PHACTR2: variants seen among roughly 807,000 people sequenced by gnomAD.
PHACTR2 encodes the protein chromosome 6 open reading frame 56.
A neutral mutation model predicts 76.0 loss-of-function variants in PHACTR2; 30 were observed. That is an observed-to-expected ratio of 0.39 (90% confidence interval 0.30 to 0.54). The LOEUF is 0.54. Ranked by LOEUF, PHACTR2 falls within the 20% of genes least tolerant of loss-of-function variation. The probability of loss-of-function intolerance (pLI) is 0.61; values close to 1 mark genes in which losing one functional copy is unlikely to be tolerated. For synonymous variants in PHACTR2, 292 were observed against 292.5 expected (o/e 1.00, Z 0.02); for missense variants, 696 against 781.1 (o/e 0.89, Z 1.30).
At chr6:143,758,991 G>A (rs114236631) in intron 4 of PHACTR2, among the ~76,000 whole-genome samples, 1,665 of 152,220 alleles carry the variant, frequency 0.011, 29 homozygotes, top group African/African-American at 0.038. Context: ...TGGGAGCCTT[G>A]GTTAAGGCTC....
intron 1 of PHACTR2, among the ~76,000 whole-genome samples, chr6:143,579,425 A>G (rs1212447632): frequency 6.6e-6 from 1 of 152,148 alleles, no homozygotes; most frequent in East Asian, 1.9e-4. Flanking sequence ...AAAACAAAAC[A>G]ACAACAACAA....
rs1465733923 is a variant in PHACTR2, at chr6:143,689,247, T to G, written c.46+11038T>G. ...GCCTTCACTGCACTTAGCACTCAGATGATCTTGTTTGTTTGTTTTATTCAT... is the reference window on the plus strand; with the variant it reads ...GCCTTCACTGCACTTAGCACTCAGAGGATCTTGTTTGTTTGTTTTATTCAT... On this transcript the variant is annotated intron_variant, in intron 1 of 12. Transcript: ENST00000440869. This position sits in a 1 kb window ranked among gnomAD's most constrained non-coding sequence, Gnocchi z 4.4. 6.6e-6 allele frequency among the ~76,000 whole-genome samples: 1 copy of G among 152,192 alleles called. No individual in the cohort carries two copies. The highest frequency in any genetic ancestry group is 1.9e-4 in the East Asian group (1 of 5,184).
At position 143,658,767 on chromosome 6, in the gene PHACTR2, G is replaced by A. The variant is rs534761917; in HGVS notation, c.13+50445G>A. Among the ~76,000 whole-genome samples, 44 of 152,312 alleles carry A rather than the reference G, an allele frequency of 2.9e-4. No individual in the cohort carries two copies. The highest frequency in any genetic ancestry group is 6.5e-4 in the African/African-American group (27 of 41,576). Reference sequence around the variant, plus strand: ...GGGGTTGGGCACAGTGACTCTGCCTGTAATCTCAGCACTTCGGGAGGCCAA... The same window carrying A: ...GGGGTTGGGCACAGTGACTCTGCCTATAATCTCAGCACTTCGGGAGGCCAA... On this transcript the variant is annotated intron_variant, in intron 1 of 11. Transcript: ENST00000305766. This position sits in a 1 kb window ranked among gnomAD's most constrained non-coding sequence, Gnocchi z 4.1.
Position 143,557,553 on chromosome 6 carries a change from C to G in PHACTR2, c.217+20346C>G, listed in dbSNP as rs909883995. ...TACCTTCCTGCTAAGATGGCTCACC[C>G]TCACCACACAGGGTCTCGATTTTTC... On this transcript the variant is annotated intron_variant, in intron 1 of 11. Transcript: ENST00000367584. This position sits in a 1 kb window ranked among gnomAD's most constrained non-coding sequence, Gnocchi z 5.5. 2.0e-5 allele frequency: 3 copies of G among 152,202 alleles called. No homozygotes were observed. The highest frequency in any genetic ancestry group is 4.4e-5 in the Non-Finnish European group (3 of 68,072). The allele number at this position is 152,202 out of a possible 1,614,324, so 9.4% of individuals were successfully genotyped here. A position where few individuals can be genotyped will look rare whatever the true frequency, so the allele number is the denominator to read the frequency against.
chr6:143,805,110 T>G (rs1419426745), intron 11 of PHACTR2, among the ~76,000 whole-genome samples: 2 of 152,190 alleles, frequency 1.3e-5, no homozygotes, highest in Non-Finnish European at 2.9e-5. Flanking sequence ...TCACTTCCTC[T>G]GCTGAAACCT....
intron 1 of PHACTR2, among the ~76,000 whole-genome samples, chr6:143,540,689 G>A (rs1308605020): frequency 1.4e-5 from 2 of 147,190 alleles, no homozygotes; most frequent in African/African-American, 5.3e-5. Flanking sequence ...ACATAAGAAT[G>A]CAAGTGCTTT....
intron 10 of PHACTR2, among the ~76,000 whole-genome samples, chr6:143,785,081 A>C (rs1232880548): frequency 6.6e-6 from 1 of 152,148 alleles, no homozygotes; most frequent in African/African-American, 2.4e-5. Context: ...GTCTTAACTC[A>C]TTTCGGCAGT....
rs911939408 is a variant in PHACTR2 at position 143,541,223 on chromosome 6, G to A, written c.217+4016G>A. On this transcript the variant is annotated intron_variant, in intron 1 of 11. Coordinates refer to the PHACTR2 transcript ENST00000367584. This position sits in a 1 kb window ranked among gnomAD's most constrained non-coding sequence, Gnocchi z 5.3. ...CTTAAGTTTTAGACAGATCCTGTTC[G>A]GTATTAAGGAGCTTTGATAACTTTT... 3.3e-5 allele frequency among the ~76,000 whole-genome samples: 5 copies of A among 152,166 alleles called. No individual in the cohort carries two copies. The highest frequency in any genetic ancestry group is 2.1e-4 in the South Asian group (1 of 4,818).
chr6:143,655,160 AAAAAAAAAAAAAAAG>A (rs1238574278), intron 1 of PHACTR2, among the ~76,000 whole-genome samples: 45 of 149,864 alleles, frequency 3.0e-4, no homozygotes, highest in Non-Finnish European at 5.1e-4. Flanking sequence ...TCCGTCTCAA[AAAAAAAAAAAAAAAG>A]AAAAAGAAAA....
chr6:143,801,969 G>T lies in PHACTR2; in HGVS notation c.1846-5088G>T, dbSNP rs1244277729. On this transcript the variant is annotated intron_variant, in intron 11 of 12. Transcript: ENST00000440869. This position sits in a 1 kb window ranked among gnomAD's most constrained non-coding sequence, Gnocchi z 4.6. Reference sequence around the variant, plus strand: ...TAACAGATAGGCCCCTCAGCTGCAGGTCTGTTGGAGTTTACTGGAGGTCCA... The same window carrying T: ...TAACAGATAGGCCCCTCAGCTGCAGTTCTGTTGGAGTTTACTGGAGGTCCA... 1.3e-5 allele frequency among the ~76,000 whole-genome samples: 2 copies of T among 152,048 alleles called. No individual in the cohort carries two copies. Among genetic ancestry groups the T allele is most frequent in the African/African-American group, 4.8e-5 (2 of 41,380 alleles).
At chr6:143,713,177 C>T (rs1160076699) in intron 2 of PHACTR2, among the ~76,000 whole-genome samples, 1 of 152,124 alleles carries the variant, frequency 6.6e-6, no homozygotes, top group Non-Finnish European at 1.5e-5. Context: ...AAATACTACA[C>T]ACAATGCAAG....
intron 1 of PHACTR2, among the ~76,000 whole-genome samples, chr6:143,613,535 A>G (rs1220871186): frequency 6.6e-6 from 1 of 152,210 alleles, no homozygotes; most frequent in Non-Finnish European, 1.5e-5. Flanking sequence ...GTGCAGAAGC[A>G]GGACAAAGTC....
In PHACTR2 at chr6:143,820,923, A is replaced by T. The variant is rs1776405865; in HGVS notation, c.1923-2751A>T. Among the ~76,000 whole-genome samples the T allele has an allele frequency of 6.6e-6, 1 of 152,116 alleles. No homozygotes were observed. The highest frequency in any genetic ancestry group is 2.4e-5 in the African/African-American group (1 of 41,426). On this transcript the variant is annotated intron_variant, in intron 12 of 12. Coordinates refer to ENST00000440869, the MANE Select transcript of PHACTR2 (RefSeq NM_001100164.2). This position sits in a 1 kb window ranked among gnomAD's most constrained non-coding sequence, Gnocchi z 4.2. The stretch of plus-strand genomic sequence containing the variant: ...TGTCTGAAGCTTCCATCACTTTTGC[A>T]TTCTGTGCATCTGCAGGCTTAACAT...
At position 143,659,980 on chromosome 6, in the gene PHACTR2, T is replaced by G. The variant is rs1322777282; in HGVS notation, c.13+51658T>G. On this transcript the variant is annotated intron_variant, in intron 1 of 11. Transcript: ENST00000305766. This position sits in a 1 kb window ranked among gnomAD's most constrained non-coding sequence, Gnocchi z 5.0. ...CACTAAAAACTTAAATGTATGTATT[T>G]AGTAGGTACATATTAAATGTCATTA... Among the ~76,000 whole-genome samples, 1 of 152,190 alleles carries G rather than the reference T, an allele frequency of 6.6e-6. No homozygotes were observed. The highest frequency in any genetic ancestry group is 1.5e-5 in the Non-Finnish European group (1 of 68,034).
In PHACTR2 at chr6:143,750,060, A is replaced by C. The variant is rs771112250; in HGVS notation, c.295+995A>C. On this transcript the variant is annotated intron_variant, in intron 3 of 12. Transcript: ENST00000440869. This position sits in a 1 kb window ranked among gnomAD's most constrained non-coding sequence, Gnocchi z 4.6. ...ACATTTTTTGGCATTCACTATTTGT[A>C]AATCAAAATGACATGCTTTTTTCCA... Among the ~76,000 whole-genome samples, 1 of 152,224 alleles carries C rather than the reference A, an allele frequency of 6.6e-6. No homozygotes were observed. The highest frequency in any genetic ancestry group is 1.5e-5 in the Non-Finnish European group (1 of 68,032).
intron 11 of PHACTR2, among the ~76,000 whole-genome samples, chr6:143,792,789 C>T (rs1036372255): frequency 6.6e-6 from 1 of 152,152 alleles, no homozygotes; most frequent in Non-Finnish European, 1.5e-5. Context: ...TGGCCCGAGT[C>T]ATCAGTCTTC....
rs1257711536 is a variant in PHACTR2, at chr6:143,547,933, A to G, written c.217+10726A>G. On this transcript the variant is annotated intron_variant, in intron 1 of 11. Coordinates refer to the PHACTR2 transcript ENST00000367584. This position sits in a 1 kb window ranked among gnomAD's most constrained non-coding sequence, Gnocchi z 4.2. ...CATCTATCTATCCATCTATCCATTC[A>G]TCATCCATCATCTATTAATCTATCT... is the stretch of plus-strand genomic sequence containing the variant. 6.6e-6 allele frequency among the ~76,000 whole-genome samples: 1 copy of G among 152,110 alleles called. No individual in the cohort carries two copies. Among genetic ancestry groups the G allele is most frequent in the Non-Finnish European group, 1.5e-5 (1 of 68,016 alleles).
rs146552232 is a variant in PHACTR2, at chr6:143,560,761, C to T, written c.217+23554C>T. ...CAGTAGGTGCTCGCTGGGGAGGGAG[C>T]GGAACTTGTTCCAGCCAAGGGTAGC... On this transcript the variant is annotated intron_variant, in intron 1 of 11. Transcript: ENST00000367584. Among the ~76,000 whole-genome samples the T allele has an allele frequency of 7.4e-4, 113 of 152,030 alleles. 1 individual carries two copies. The East Asian group carries it at 0.02, about 27-fold the overall frequency.
intron 11 of PHACTR2, among the ~76,000 whole-genome samples, chr6:143,798,236 G>T (rs576487555): frequency 6.6e-6 from 1 of 152,126 alleles, no homozygotes; most frequent in Non-Finnish European, 1.5e-5. Flanking sequence ...TGTGATTTTT[G>T]CACATTGATT....
Sources: allele counts gnomAD v4.1 joint callset (sites outside exome capture counted in the v4.1 genomes callset), GRCh38; gene constraint gnomAD v4.1.1; non-coding constraint Gnocchi (gnomAD v3.1); transcripts MANE v1.5; gene names NCBI Gene and HGNC (gene_info 2026-07-23, HGNC 2026-07-21).